The following RSPRY1 variants were observed in gnomAD, a reference collection of about 807,000 sequenced individuals.
RSPRY1 encodes RING finger and SPRY domain-containing protein 1.
RSPRY1 carries 23 observed loss-of-function variants against 73.1 expected under a neutral mutation model. The ratio of observed to expected loss-of-function variants is 0.31; its 90% CI spans 0.23 to 0.45. The LOEUF (loss-of-function observed/expected upper bound fraction) is 0.45, where lower values mean the gene tolerates loss of function less well. Ranked by LOEUF, RSPRY1 falls within the 20% of genes least tolerant of loss-of-function variation. The pLI is 1.00. For missense variants in RSPRY1, 448 were observed against 698.7 expected (o/e 0.64, Z 4.05); for synonymous variants, 226 against 251.4 (o/e 0.90, Z 0.95).
chr16:57,208,422 G>A (rs1364170091), intron 3 of RSPRY1, among the ~76,000 whole-genome samples: 2 of 119,154 alleles, frequency 1.7e-5, no homozygotes, highest in Non-Finnish European at 3.3e-5. Context: ...TTTTGAGACA[G>A]AGTCTCACTC....
At chr16:57,230,895 T>G (rs1017882509) in intron 12 of RSPRY1, 82 bp downstream of exon 12, 1 of 839,680 alleles carries the variant, frequency 1.2e-6, no homozygotes, top group Non-Finnish European at 1.9e-6. Context: ...CTTTGTCCAT[T>G]TATATATGCA....
chr16:57,228,591 G>T (rs1160610549), intron 11 of RSPRY1, among the ~76,000 whole-genome samples: 1 of 152,032 alleles, frequency 6.6e-6, no homozygotes, highest in African/African-American at 2.4e-5. Flanking sequence ...TTTCTCCAGA[G>T]ATTTTTTAAA....
chr16:57,202,878 T>TTATATATATATA (rs55701001), intron 1 of RSPRY1, among the ~76,000 whole-genome samples: 3,739 of 130,906 alleles, frequency 0.029, 77 homozygotes, highest in Non-Finnish European at 0.039. Flanking sequence ...TTACATATGA[T>TTATATATATATA]TATATATATA....
At chr16:57,208,545 G>A (rs1053796587) in intron 3 of RSPRY1, among the ~76,000 whole-genome samples, 15 of 151,176 alleles carry the variant, frequency 9.9e-5, no homozygotes, top group African/African-American at 3.2e-4. Flanking sequence ...CACCACAGGC[G>A]CATGCCACAA....
intron 14 of RSPRY1, among the ~76,000 whole-genome samples, chr16:57,237,773 G>A (rs1419286984): frequency 1.3e-5 from 2 of 151,742 alleles, no homozygotes; most frequent in South Asian, 2.1e-4. Flanking sequence ...GTGCAGTGGC[G>A]TGATCTCAGC....
chr16:57,213,458 G>T (rs144611114), intron 5 of RSPRY1, among the ~76,000 whole-genome samples: 2 of 152,186 alleles, frequency 1.3e-5, no homozygotes, highest in Non-Finnish European at 1.5e-5. Flanking sequence ...AGTTTAGCTC[G>T]ATTATGAAGA....
At chr16:57,238,826 AG>A in intron 14 of RSPRY1, 52 bp from the exon 15 acceptor site, 1 of 991,374 alleles carries the variant, frequency 1.0e-6, no homozygotes, top group Non-Finnish European at 1.5e-6. Flanking sequence ...AGGCAGTTGG[AG>A]TTTGACCTTT....
intron 1 of RSPRY1, among the ~76,000 whole-genome samples, chr16:57,201,174 A>C (rs1212706606): frequency 7.2e-6 from 1 of 139,704 alleles, no homozygotes. Flanking sequence ...TGTGGCTGCC[A>C]GGTGGAGGGG....
At chr16:57,194,399 G>A (rs2074403068) in intron 1 of RSPRY1, among the ~76,000 whole-genome samples, 1 of 152,066 alleles carries the variant, frequency 6.6e-6, no homozygotes, top group Admixed American at 6.6e-5. Flanking sequence ...TGTATGTTTG[G>A]AAAATTTCAT....
chr16:57,226,375 A>G (rs144163670), intron 10 of RSPRY1, among the ~76,000 whole-genome samples: 1,699 of 152,338 alleles, frequency 0.011, 35 homozygotes, highest in African/African-American at 0.038. Flanking sequence ...TATTAAAGAA[A>G]CAGAAGAATG....
At chr16:57,198,029 C>T (rs1401096758) in intron 1 of RSPRY1, among the ~76,000 whole-genome samples, 3 of 149,590 alleles carry the variant, frequency 2.0e-5, no homozygotes, top group Admixed American at 6.7e-5. Flanking sequence ...CCCATCCTAT[C>T]AGATTTAGTC....
At chr16:57,200,061 AGTGTTT>A (rs1416104795) in intron 1 of RSPRY1, among the ~76,000 whole-genome samples, 3 of 147,796 alleles carry the variant, frequency 2.0e-5, no homozygotes, top group Non-Finnish European at 4.5e-5. Flanking sequence ...GGCCTTCCAC[AGTGTTT>A]GTGTCCCTGG....
intron 1 of RSPRY1, among the ~76,000 whole-genome samples, chr16:57,202,209 TAAAG>T (rs1476464331): frequency 7.2e-6 from 1 of 139,078 alleles, no homozygotes; most frequent in Non-Finnish European, 1.5e-5. Context: ...GAACACCAAA[TAAAG>T]TAAGTGCAAT....
intron 14 of RSPRY1, among the ~76,000 whole-genome samples, chr16:57,237,289 G>A (rs1418038572): frequency 5.3e-5 from 8 of 151,726 alleles, no homozygotes; most frequent in African/African-American, 7.3e-5. Context: ...GATTACAGGC[G>A]CATGCCACCA....
rs867347211 is a variant in RSPRY1 at position 57,201,635 on chromosome 16, C to T, written c.-155-2869C>T. Among the ~76,000 whole-genome samples, 138 of 152,308 alleles carry T rather than the reference C, an allele frequency of 9.1e-4. 1 individual carries two copies. The highest frequency in any genetic ancestry group is 3.1e-3 in the African/African-American group (130 of 41,540). ...TGGGGAGGTGGAGGTTGTATCGAGC[C>T]GAGATCACGCCACTGCACTCCAGCC... On this transcript the variant is annotated intron_variant, in intron 1 of 14. Transcript: ENST00000394420.
chr16:57,238,420 A>G (rs935101933), intron 14 of RSPRY1, among the ~76,000 whole-genome samples: 4 of 152,242 alleles, frequency 2.6e-5, no homozygotes, highest in Admixed American at 2.6e-4. Flanking sequence ...GTTTGGTCCC[A>G]TTACTATATG....
chr16:57,218,720 C>CTTTTTTT lies in RSPRY1; in HGVS notation c.901+1712_901+1718dup, dbSNP rs869295634. ...CCATTTTGTATATGTGCCACATTTT[C>CTTTTTTT]TTTTTTTTTTTTTTTTTTTTTTTTT... On this transcript the variant is annotated intron_variant, in intron 8 of 14. Transcript: ENST00000394420. 1.4e-3 allele frequency among the ~76,000 whole-genome samples: 58 copies of CTTTTTTT among 41,134 alleles called. 13 individuals are homozygous for CTTTTTTT. The highest frequency in any genetic ancestry group is 3.7e-3 in the Admixed American group (8 of 2,164). The allele number at this position is 41,134 out of a possible 152,430, so 27.0% of individuals were successfully genotyped here. A position where few individuals can be genotyped will look rare whatever the true frequency, so the allele number is the denominator to read the frequency against.
rs1459010915 is a variant in RSPRY1, at chr16:57,233,374, ATTTTTAT to A, written c.1530-1737_1530-1731del. Reference sequence around the variant, plus strand: ...GTCTTCTCTCATCTCTGTTTTTTTAATTTTTATTTTTTATTTTTTGAGACAGGGTCTC... The same window carrying A: ...GTCTTCTCTCATCTCTGTTTTTTTAATTTTTATTTTTTGAGACAGGGTCTC... On this transcript the variant is annotated intron_variant, in intron 13 of 14. Transcript: ENST00000394420. Among the ~76,000 whole-genome samples, 3 of 151,790 alleles carry A rather than the reference ATTTTTAT, an allele frequency of 2.0e-5. No homozygotes were observed. The East Asian group carries it at 5.8e-4, about 29-fold the overall frequency.
At chr16:57,199,473 C>T (rs1248788222) in intron 1 of RSPRY1, among the ~76,000 whole-genome samples, 1 of 152,036 alleles carries the variant, frequency 6.6e-6, no homozygotes, top group African/African-American at 2.4e-5. Flanking sequence ...GCCTGGGTGA[C>T]AGAGTGAGAC....
Sources: gnomAD v4.1 joint callset for allele counts (sites outside exome capture counted in the v4.1 genomes callset) on GRCh38, gnomAD v4.1.1 for gene constraint, MANE v1.5 for transcripts, NCBI Gene and HGNC (gene_info 2026-07-23, HGNC 2026-07-21) for gene names.